Variants in IQSEC1 observed in about 807,000 individuals in gnomAD.
IQSEC1 encodes the protein IQ motif and SEC7 domain-containing protein 1.
IQSEC1 carries 31 observed loss-of-function variants against 91.0 expected under a neutral mutation model. The observed-to-expected ratio is 0.34, with a 90% CI of 0.26 to 0.46. The LOEUF (loss-of-function observed/expected upper bound fraction) is 0.46. Among genes scored for constraint, IQSEC1 ranks in the 20% least tolerant of loss-of-function variants. The pLI is 1.00. For missense variants in IQSEC1, 1,388 were observed against 1,575.6 expected, an observed-to-expected ratio of 0.88 and a Z score of 2.02; for synonymous variants, 699 against 662.6, an observed-to-expected ratio of 1.05 and a Z score of -0.84.
intron 1 of IQSEC1, among the ~76,000 whole-genome samples, chr3:13,240,097 G>A (rs958397717): frequency 6.6e-5 from 10 of 152,212 alleles, no homozygotes; most frequent in Non-Finnish European, 1.3e-4. Context: ...AACCTTGGCC[G>A]GCCGGGTGTG....
chr3:13,053,195 C>T lies in IQSEC1; in HGVS notation c.23+19797G>A, dbSNP rs1261805864. On this transcript the variant is annotated intron_variant, in intron 1 of 13. Transcript: ENST00000613206. ...AGAGGGGACTGGCTGTGGTTTTAAC[C>T]TTGTTTCCCTGTTGGGGATGCTGCG... 5 of 699,218 alleles carry T rather than the reference C, an allele frequency of 7.2e-6. No homozygotes were observed. In the African/African-American group the frequency reaches 8.8e-5, roughly 12 times the overall value. The allele number at this position is 699,218 out of a possible 1,614,324, so 43.3% of individuals were successfully genotyped here.
intron 2 of IQSEC1, among the ~76,000 whole-genome samples, chr3:13,127,797 G>T (rs1280650078): frequency 6.6e-6 from 1 of 151,974 alleles, no homozygotes; most frequent in East Asian, 1.9e-4. Context: ...TTTCCATTTG[G>T]TTATATCATC....
chr3:13,053,497 C>T (rs750600022), intron 1 of IQSEC1, among the ~76,000 whole-genome samples: 7 of 152,166 alleles, frequency 4.6e-5, no homozygotes, highest in South Asian at 4.1e-4. Context: ...CTCAGCCAGA[C>T]GATGACCTTG....
intron 2 of IQSEC1, among the ~76,000 whole-genome samples, chr3:13,151,568 G>C (rs188348261): frequency 4.0e-4 from 61 of 152,318 alleles, no homozygotes; most frequent in Admixed American, 1.2e-3. Context: ...CACACCAAAG[G>C]ACAAGGGTCG....
chr3:13,234,354 A>AGTCCTGTGTCTGTGTGTGCCTG (rs1559282749), intron 1 of IQSEC1, among the ~76,000 whole-genome samples: 3 of 132,358 alleles, frequency 2.3e-5, no homozygotes, highest in Non-Finnish European at 5.0e-5. Flanking sequence ...GTGTGTGCCT[A>AGTCCTGTGTCTGTGTGTGCCTG]TGGGTGTGAG....
chr3:12,903,887 A>G (rs1406717992), intron 12 of IQSEC1, among the ~76,000 whole-genome samples: 1 of 152,210 alleles, frequency 6.6e-6, no homozygotes, highest in Non-Finnish European at 1.5e-5. Flanking sequence ...TCCATATCAG[A>G]GAGAGGAACA....
intron 1 of IQSEC1, among the ~76,000 whole-genome samples, chr3:13,253,017 C>G (rs1025875814): frequency 4.6e-5 from 7 of 152,216 alleles, no homozygotes; most frequent in African/African-American, 1.4e-4. Flanking sequence ...CAGGCGTAAG[C>G]CACCGCACCC....
rs1450237397 is a variant in IQSEC1, at chr3:12,979,365, ACGC to A, written c.24-37503_24-37501del. On this transcript the variant is annotated intron_variant, in intron 1 of 13. Coordinates refer to ENST00000613206, the MANE Select transcript of IQSEC1 (RefSeq NM_001134382.3). This position sits in a 1 kb window ranked among gnomAD's most constrained non-coding sequence, Gnocchi z 4.3. ...AAGCACAGAGAATCCACATGACAGG[ACGC>A]CGCCAATAAAACAGAAGCATGCTTT... Among the ~76,000 whole-genome samples, 2 of 152,222 alleles carry A rather than the reference ACGC, an allele frequency of 1.3e-5. No individual in the cohort carries two copies. The highest frequency in any genetic ancestry group is 4.8e-5 in the African/African-American group (2 of 41,448).
chr3:13,122,515 G>A (rs1164629668), intron 2 of IQSEC1, among the ~76,000 whole-genome samples: 2 of 152,136 alleles, frequency 1.3e-5, no homozygotes, highest in Non-Finnish European at 2.9e-5. Flanking sequence ...AGGCAGGGAG[G>A]GAGGGAGGAG....
intron 1 of IQSEC1, among the ~76,000 whole-genome samples, chr3:13,019,494 A>G (rs2124962092): frequency 6.6e-6 from 1 of 152,368 alleles, no homozygotes; most frequent in African/African-American, 2.4e-5. Flanking sequence ...GCCTTGGGCC[A>G]CAGACCTGCT....
chr3:13,134,868 G>A (rs1706681598), intron 2 of IQSEC1, among the ~76,000 whole-genome samples: 2 of 152,282 alleles, frequency 1.3e-5, no homozygotes, highest in Non-Finnish European at 2.9e-5. Context: ...CTGGGAGGGT[G>A]TCCTCTGGGG....
At chr3:13,159,722 C>A (rs528387676) in intron 2 of IQSEC1, among the ~76,000 whole-genome samples, 3 of 152,204 alleles carry the variant, frequency 2.0e-5, no homozygotes, top group Non-Finnish European at 4.4e-5. Flanking sequence ...AGTGAGAACT[C>A]ATTGAATGGA....
chr3:13,244,269 T>G (rs542200728), intron 1 of IQSEC1, among the ~76,000 whole-genome samples: 1 of 152,356 alleles, frequency 6.6e-6, no homozygotes, highest in East Asian at 1.9e-4. Context: ...CTCAGCTTAC[T>G]GCAACCTCTG....
intron 3 of IQSEC1, among the ~76,000 whole-genome samples, chr3:12,930,862 G>A (rs1697608608): frequency 6.6e-6 from 1 of 152,114 alleles, no homozygotes; most frequent in South Asian, 2.1e-4. Flanking sequence ...TTGTGGGGGT[G>A]AGGATAGACT....
At chr3:13,017,737 C>T (rs751779605) in intron 1 of IQSEC1, among the ~76,000 whole-genome samples, 63 of 152,158 alleles carry the variant, frequency 4.1e-4, no homozygotes, top group African/African-American at 8.2e-4. Flanking sequence ...AGATGGGAAC[C>T]GAGGAGAGGG....
intron 2 of IQSEC1, among the ~76,000 whole-genome samples, chr3:13,106,798 C>T (rs75837468): frequency 0.017 from 2,565 of 152,266 alleles, 33 homozygotes; most frequent in Middle Eastern, 0.044. Context: ...CCTGGGTGGA[C>T]GATTGTTTTT....
At chr3:13,178,138 G>C (rs1293280532) in intron 1 of IQSEC1, among the ~76,000 whole-genome samples, 1 of 152,220 alleles carries the variant, frequency 6.6e-6, no homozygotes, top group Non-Finnish European at 1.5e-5. Context: ...GAGACTCCCA[G>C]ACTACCCGAG....
At position 12,899,117 on chromosome 3, in the gene IQSEC1, T is replaced by G. The variant is rs1300301177; in HGVS notation, c.*1866A>C. 1 of 521,508 alleles carries G rather than the reference T, an allele frequency of 1.9e-6. No homozygotes were observed. The highest frequency in any genetic ancestry group is 3.4e-6 in the Non-Finnish European group (1 of 289,880). 32.3% of individuals were successfully genotyped at this position (521,508 alleles called of 1,614,324 possible). On this transcript the variant is annotated 3_prime_UTR_variant, in exon 14 of 14. Coordinates refer to ENST00000613206, the MANE Select transcript of IQSEC1 (RefSeq NM_001134382.3). ...CTCTGGAGATTAACAAAGTGCTTGG[T>G]TTGCAGATTTGCTGGTACGGTGATC...
chr3:13,109,498 C>T (rs578050705), intron 2 of IQSEC1, among the ~76,000 whole-genome samples: 20 of 152,278 alleles, frequency 1.3e-4, no homozygotes, highest in African/African-American at 4.6e-4. Context: ...CCACCCAAAT[C>T]TCATGTTGAA....
Sources: gnomAD v4.1 joint callset for allele counts (sites outside exome capture counted in the v4.1 genomes callset) on GRCh38, gnomAD v4.1.1 for gene constraint, Gnocchi (gnomAD v3.1) non-coding constraint, MANE v1.5 for transcripts, NCBI Gene and HGNC (gene_info 2026-07-23, HGNC 2026-07-21) for gene names.